Variants in TRIM63 observed in about 807,000 individuals in gnomAD.
TRIM63 encodes tripartite motif containing 63, also known as E3 ubiquitin-protein ligase TRIM63.
TRIM63 carries 48 observed loss-of-function variants against 46.0 expected under a neutral mutation model. That is an observed-to-expected ratio of 1.04 (90% CI 0.83 to 1.33). The LOEUF is 1.33. Ranked by LOEUF, TRIM63 falls within the 40% of genes most tolerant of loss-of-function variation. The pLI, the probability that TRIM63 is intolerant of heterozygous loss-of-function variation, is 0.00. For synonymous variants in TRIM63, 175 were observed against 162.8 expected, an observed-to-expected ratio of 1.08 and a Z score of -0.57; for missense variants, 455 against 441.2, an observed-to-expected ratio of 1.03 and a Z score of -0.28.
At chr1:26,053,759 G>A (rs1040012603) in intron 8 of TRIM63, 134 bp downstream of exon 8, 3 of 671,208 alleles carry the variant, frequency 4.5e-6, no homozygotes, top group Admixed American at 3.2e-5. Flanking sequence ...CCTCAGTAGG[G>A]TTAAAGCACG....
At chr1:26,059,304 G>A (rs2050601515) in intron 4 of TRIM63, among the ~76,000 whole-genome samples, 2 of 152,178 alleles carry the variant, frequency 1.3e-5, no homozygotes, top group Non-Finnish European at 2.9e-5. Context: ...TTATAGGCAT[G>A]AGCCACTGTG....
intron 4 of TRIM63, among the ~76,000 whole-genome samples, chr1:26,059,654 A>T (rs1156684161): frequency 1.3e-5 from 2 of 152,120 alleles, no homozygotes; most frequent in Non-Finnish European, 1.5e-5. Context: ...ACTAGCAATT[A>T]TGATGACCCC....
In TRIM63 at chr1:26,051,431, C is replaced by T. The variant is rs2050521235; in HGVS notation, c.*442G>A. 1 of 154,918 alleles carries T rather than the reference C, an allele frequency of 6.5e-6. No individual in the cohort carries two copies. The highest frequency in any genetic ancestry group is 2.4e-5 in the African/African-American group (1 of 41,562). The allele number at this position is 154,918 out of a possible 1,614,324, so 9.6% of individuals were successfully genotyped here. On this transcript the variant is annotated 3_prime_UTR_variant, in exon 9 of 9. Transcript: ENST00000374272. Reference sequence around the variant, plus strand: ...ATCGTCCCTGTGAGTGCTACCCCATCCTCCTGCTCAGGAAAGGAAGTGGGC... The same window carrying T: ...ATCGTCCCTGTGAGTGCTACCCCATTCTCCTGCTCAGGAAAGGAAGTGGGC...
At chr1:26,060,434 G>T in intron 3 of TRIM63, 73 bp from the exon 4 acceptor site, 1 of 1,153,662 alleles carries the variant, frequency 8.7e-7, no homozygotes, top group Non-Finnish European at 1.3e-6. Flanking sequence ...GGGCATGGCA[G>T]CAACATGGCT....
chr1:26,055,677 A>G (rs1343657125), intron 7 of TRIM63, among the ~76,000 whole-genome samples: 2 of 151,804 alleles, frequency 1.3e-5, no homozygotes, highest in African/African-American at 4.8e-5. Flanking sequence ...ATGCCCAGCT[A>G]ATTTTGTATT....
At chr1:26,066,504 T>A in intron 1 of TRIM63, 64 bp from the exon 2 acceptor site, 1 of 1,406,916 alleles carries the variant, frequency 7.1e-7, no homozygotes, top group Non-Finnish European at 9.4e-7. Context: ...TTTTCTAATC[T>A]CCTCTTATCC....
Position 26,067,594 on chromosome 1 carries a change from G to T in TRIM63, c.-100C>A. 7.4e-7 allele frequency: 1 copy of T among 1,352,936 alleles called. No homozygotes were observed. 83.8% of individuals were successfully genotyped at this position (1,352,936 alleles called of 1,614,324 possible). On this transcript the variant is annotated 5_prime_UTR_variant, in exon 1 of 9. Coordinates refer to ENST00000374272, the MANE Select transcript of TRIM63 (RefSeq NM_032588.4). ...GCCTTTGTCACAAAACACCGGGTCG[G>T]ATCCTGTTGGCTTCCTTCTCCTGGT...
intron 8 of TRIM63, among the ~76,000 whole-genome samples, chr1:26,053,641 A>G (rs1339862110): frequency 8.5e-5 from 13 of 152,210 alleles, no homozygotes; most frequent in East Asian, 3.8e-4. Flanking sequence ...CTGCTGTGCC[A>G]TATTGCTTTC....
intron 7 of TRIM63, 47 bp downstream of exon 7, chr1:26,057,156 A>G (rs200214717): frequency 5.4e-5 from 53 of 981,612 alleles, no homozygotes; most frequent in Middle Eastern, 2.5e-4. Context: ...GCTGGTTTCC[A>G]GGGGTCAGGC....
intron 7 of TRIM63, among the ~76,000 whole-genome samples, chr1:26,055,885 G>A (rs538745817): frequency 1.0e-3 from 152 of 152,254 alleles, no homozygotes; most frequent in Non-Finnish European, 2.0e-3. Flanking sequence ...TGTCCCCAAG[G>A]CCATTGGTGT....
chr1:26,061,345 G>A lies in TRIM63; in HGVS notation c.333-11C>T, dbSNP rs931966903. On this transcript the variant is annotated splice_polypyrimidine_tract_variant and intron_variant, in intron 2 of 8. Coordinates refer to ENST00000374272, the MANE Select transcript of TRIM63 (RefSeq NM_032588.4). ...TTCTGCAGCGGCCGACTGCAGTGGA[G>A]AACAGTCACAAGTCATGGGGGTCCT... 1.2e-6 allele frequency: 2 copies of A among 1,612,878 alleles called. No individual in the cohort carries two copies. Among genetic ancestry groups the A allele is most frequent in the Admixed American group, 3.3e-5 (2 of 59,962 alleles).
At chr1:26,059,591 G>A (rs981017865) in intron 4 of TRIM63, among the ~76,000 whole-genome samples, 7 of 152,100 alleles carry the variant, frequency 4.6e-5, no homozygotes, top group Admixed American at 3.3e-4. Context: ...GGAGCCTCTC[G>A]TGGGTGATCA....
At chr1:26,058,685 C>G (rs2050595261) in intron 4 of TRIM63, 62 bp from the exon 5 acceptor site, 1 of 1,350,148 alleles carries the variant, frequency 7.4e-7, no homozygotes, top group Non-Finnish European at 1.1e-6. Flanking sequence ...CACTACACTG[C>G]CTTCCTAGGA....
intron 7 of TRIM63, among the ~76,000 whole-genome samples, chr1:26,056,362 T>A (rs2050570331): frequency 6.6e-6 from 1 of 152,188 alleles, no homozygotes; most frequent in South Asian, 2.1e-4. Context: ...TTAAGGTGCC[T>A]GGGTATCATA....
In TRIM63 at chr1:26,067,508, A is replaced by G; in HGVS notation, c.-14T>C. ...CTTATAATCCATTCTGTGGGAAGGA[A>G]TGAGAGCCACGCCTAGCTGCCTCCT... On this transcript the variant is annotated 5_prime_UTR_variant, in exon 1 of 9. Transcript: ENST00000374272. 1.9e-6 allele frequency: 3 copies of G among 1,613,436 alleles called. No individual in the cohort carries two copies. Among genetic ancestry groups the G allele is most frequent in the Non-Finnish European group, 1.7e-6 (2 of 1,179,864 alleles).
intron 7 of TRIM63, among the ~76,000 whole-genome samples, chr1:26,056,985 A>G (rs1320463998): frequency 6.6e-6 from 1 of 151,772 alleles, no homozygotes; most frequent in Admixed American, 6.6e-5. Flanking sequence ...CTGGTCTCAA[A>G]CTCCTGACCT....
chr1:26,057,951 A>G (rs1275808533), intron 5 of TRIM63, among the ~76,000 whole-genome samples: 4 of 152,108 alleles, frequency 2.6e-5, no homozygotes, highest in African/African-American at 9.7e-5. Context: ...TTTCATACCT[A>G]ATGTCTAGCA....
intron 2 of TRIM63, 58 bp from the exon 3 acceptor site, chr1:26,061,392 C>A: frequency 6.3e-7 from 1 of 1,576,132 alleles, no homozygotes. Context: ...TCCCCCTCCC[C>A]AGCTCCAATG....
intron 8 of TRIM63, among the ~76,000 whole-genome samples, chr1:26,052,931 A>C (rs1244142672): frequency 6.6e-6 from 1 of 152,150 alleles, no homozygotes; most frequent in African/African-American, 2.4e-5. Flanking sequence ...CTAATTTTAA[A>C]AATGTTAGCA....
Sources: gnomAD v4.1 joint callset for allele counts (sites outside exome capture counted in the v4.1 genomes callset) on GRCh38, gnomAD v4.1.1 for gene constraint, MANE v1.5 for transcripts, NCBI Gene and HGNC (gene_info 2026-07-23, HGNC 2026-07-21) for gene names.